The following ZNF670 variants were observed in gnomAD, a reference collection of about 807,000 sequenced individuals.
The protein encoded by ZNF670 is zinc finger protein 670.
A neutral mutation model predicts 10.9 loss-of-function variants in ZNF670; 7 were observed. That is an observed-to-expected ratio of 0.64 (90% CI 0.36 to 1.20). The LOEUF is 1.20. Ranked by LOEUF, ZNF670 falls within the 50% of genes most tolerant of loss-of-function variation. The pLI is 0.02. For synonymous variants in ZNF670, 136 were observed against 152.7 expected, an observed-to-expected ratio of 0.89 and a Z score of 0.81; for missense variants, 446 against 458.6, an observed-to-expected ratio of 0.97 and a Z score of 0.25.
At position 247,068,319 on chromosome 1, in the gene ZNF670, C is replaced by CAAAA. The variant is rs74163724; in HGVS notation, c.3+10271_3+10274dup. Among the ~76,000 whole-genome samples the CAAAA allele has an allele frequency of 3.3e-4, 18 of 55,282 alleles. 2 individuals carry two copies. The highest frequency in any genetic ancestry group is 1.7e-3 in the African/African-American group (17 of 9,726). 36.3% of individuals were successfully genotyped at this position (55,282 alleles called of 152,430 possible). A position where few individuals can be genotyped will look rare whatever the true frequency, so the allele number is the denominator to read the frequency against. ...AGGTGACAGAGTAAGATTCTGTCTCCAAAAAAAAAAAAAAAAAAGATGGGC... is the reference window on the plus strand; with the variant it reads ...AGGTGACAGAGTAAGATTCTGTCTCCAAAAAAAAAAAAAAAAAAAAAAGATGGGC... On this transcript the variant is annotated intron_variant, in intron 1 of 3. Coordinates refer to ENST00000366503, the MANE Select transcript of ZNF670 (RefSeq NM_033213.5).
chr1:247,053,891 C>T (rs1670656578), intron 1 of ZNF670, among the ~76,000 whole-genome samples: 1 of 152,186 alleles, frequency 6.6e-6, no homozygotes, highest in Admixed American at 6.5e-5. Flanking sequence ...AAAACTCAGA[C>T]AAGCATACCT....
intron 1 of ZNF670, among the ~76,000 whole-genome samples, chr1:247,059,432 C>A (rs909603040): frequency 4.0e-5 from 6 of 151,460 alleles, no homozygotes; most frequent in African/African-American, 1.5e-4. Flanking sequence ...GGAGACAGGG[C>A]GAGACTCTGT....
Position 247,037,517 on chromosome 1 carries a change from T to G in ZNF670, c.1102A>C (p.Lys368Gln), listed in dbSNP as rs550074620. 3.1e-6 allele frequency: 5 copies of G among 1,614,124 alleles called. No individual in the cohort carries two copies. In the Admixed American group the frequency reaches 8.3e-5, roughly 27 times the overall value. Residue 368 changes from lysine to glutamine, a missense_variant, in exon 4 of 4, where the codon AAG becomes CAG. By Grantham distance (53) the Lys-to-Gln change is moderately conservative (BLOSUM62 1). Coordinates refer to ENST00000366503, the MANE Select transcript of ZNF670 (RefSeq NM_033213.5). ...THTGEKPYEC[K>Q]KCGKAFSCSS... ...CAACTGAAGGCTTTACCACATTTCT[T>G]ACATTCATAGGGTTTTTCTCCAGTA... is the stretch of plus-strand genomic sequence containing the variant.
intron 1 of ZNF670, among the ~76,000 whole-genome samples, chr1:247,042,533 G>A (rs1383411428): frequency 1.3e-5 from 2 of 152,188 alleles, no homozygotes. Flanking sequence ...AGGGTAGGTG[G>A]AAAGCTAGGA....
At chr1:247,067,841 CAAAAAAAAAAAA>C (rs61211824) in intron 1 of ZNF670, among the ~76,000 whole-genome samples, 12 of 85,262 alleles carry the variant, frequency 1.4e-4, no homozygotes, top group Middle Eastern at 6.8e-3. Context: ...GACTCCGTCT[CAAAAAAAAAAAA>C]AAAAAAAAAA....
intron 1 of ZNF670, among the ~76,000 whole-genome samples, chr1:247,069,857 G>A (rs1234526642): frequency 6.6e-6 from 1 of 152,168 alleles, no homozygotes; most frequent in Non-Finnish European, 1.5e-5. Context: ...TGTAGTCAGG[G>A]GGACTAGGGA....
At chr1:247,039,651 A>G (rs752788329) in intron 1 of ZNF670, 114 bp from the exon 2 acceptor site, 186 of 1,180,082 alleles carry the variant, frequency 1.6e-4, no homozygotes, top group Admixed American at 1.9e-4. Flanking sequence ...CATTTCTTCC[A>G]TGACCTGGTC....
At chr1:247,043,022 T>C (rs934768633) in intron 1 of ZNF670, 3 of 840,372 alleles carry the variant, frequency 3.6e-6, no homozygotes, top group African/African-American at 1.6e-5. Flanking sequence ...CCATACAAGA[T>C]TGATATAGGT....
intron 1 of ZNF670, among the ~76,000 whole-genome samples, chr1:247,040,874 T>C (rs1216239060): frequency 5.3e-5 from 8 of 152,146 alleles, no homozygotes. Context: ...TTTGTATTTT[T>C]AGTAGAGACA....
chr1:247,070,987 C>T (rs1432149486), intron 1 of ZNF670, among the ~76,000 whole-genome samples: 1 of 152,108 alleles, frequency 6.6e-6, no homozygotes, highest in Non-Finnish European at 1.5e-5. Context: ...TGCGAGGTTG[C>T]AGAGAAAAGG....
At position 247,066,861 on chromosome 1, in the gene ZNF670, C is replaced by T. The variant is rs187908923; in HGVS notation, c.3+11733G>A. On this transcript the variant is annotated intron_variant, in intron 1 of 3. Transcript: ENST00000366503. ...AGTTTCCACAACCTCTTCTTGTTACCCAGACATTCCTTTCTGTTGATAACT... is the reference window on the plus strand; with the variant it reads ...AGTTTCCACAACCTCTTCTTGTTACTCAGACATTCCTTTCTGTTGATAACT... 2.0e-4 allele frequency among the ~76,000 whole-genome samples: 30 copies of T among 152,218 alleles called. No individual in the cohort carries two copies. In the East Asian group the frequency reaches 2.7e-3, roughly 14 times the overall value.
At chr1:247,042,102 T>A (rs1558336778) in intron 1 of ZNF670, among the ~76,000 whole-genome samples, 2 of 152,242 alleles carry the variant, frequency 1.3e-5, no homozygotes, top group African/African-American at 4.8e-5. Context: ...TCTTACTGTA[T>A]TTCTTAATAG....
intron 3 of ZNF670, 49 bp from the exon 4 acceptor site, chr1:247,038,476 A>T: frequency 1.4e-5 from 22 of 1,528,788 alleles, no homozygotes; most frequent in Non-Finnish European, 1.9e-5. Flanking sequence ...CATGGTTTAC[A>T]TTGCTACTAA....
chr1:247,059,400 C>T (rs1165921504), intron 1 of ZNF670, among the ~76,000 whole-genome samples: 3 of 151,852 alleles, frequency 2.0e-5, no homozygotes, highest in Admixed American at 6.6e-5. Context: ...GAGCTGAGAT[C>T]GCGCCACTGC....
At chr1:247,055,554 C>T (rs58410139) in intron 1 of ZNF670, among the ~76,000 whole-genome samples, 4,399 of 152,272 alleles carry the variant, frequency 0.029, 208 homozygotes, top group African/African-American at 0.097. Flanking sequence ...TTTCTATACA[C>T]GCTCCTTAAT....
intron 1 of ZNF670, among the ~76,000 whole-genome samples, chr1:247,050,972 G>C (rs188196563): frequency 5.4e-4 from 82 of 151,744 alleles, no homozygotes; most frequent in Non-Finnish European, 4.6e-4. Flanking sequence ...GCTTTAAGGA[G>C]GTTCTATTTT....
chr1:247,058,404 A>T (rs1295008989), intron 1 of ZNF670, among the ~76,000 whole-genome samples: 2 of 152,184 alleles, frequency 1.3e-5, no homozygotes, highest in Non-Finnish European at 2.9e-5. Flanking sequence ...TAAAGCATGG[A>T]GGGCATGTGC....
chr1:247,047,809 C>G (rs935495918), intron 1 of ZNF670, among the ~76,000 whole-genome samples: 1 of 152,174 alleles, frequency 6.6e-6, no homozygotes. Context: ...CTGAGCTGTA[C>G]ATTGGTCTCT....
At chr1:247,040,842 T>C (rs1417332729) in intron 1 of ZNF670, among the ~76,000 whole-genome samples, 1 of 152,090 alleles carries the variant, frequency 6.6e-6, no homozygotes, top group African/African-American at 2.4e-5. Context: ...ATTACAGGCA[T>C]GTGTCACCAC....
Sources: allele counts gnomAD v4.1 joint callset (sites outside exome capture counted in the v4.1 genomes callset), GRCh38; gene constraint gnomAD v4.1.1; transcripts MANE v1.5; gene names NCBI Gene and HGNC (gene_info 2026-07-23, HGNC 2026-07-21).